SNTB1: variants seen among roughly 807,000 people sequenced by gnomAD.
The protein encoded by SNTB1 is beta-1-syntrophin.
In SNTB1, 36 loss-of-function variants were observed where a neutral mutation model predicts 48.9. That is an observed-to-expected ratio of 0.74 (90% CI 0.56 to 0.97). The LOEUF (loss-of-function observed/expected upper bound fraction) is 0.97. Among genes scored for constraint, SNTB1 ranks in the 50% least tolerant of loss-of-function variants. The pLI is 0.00. For missense variants in SNTB1, 786 were observed against 703.4 expected (o/e 1.12, Z -1.33); for synonymous variants, 299 against 294.6 (o/e 1.01, Z -0.15).
intron 1 of SNTB1, among the ~76,000 whole-genome samples, chr8:120,773,451 C>T (rs548752162): frequency 2.0e-5 from 3 of 152,220 alleles, no homozygotes; most frequent in Non-Finnish European, 4.4e-5. Flanking sequence ...TGTGGCTGAC[C>T]ACAGTCCAGA....
intron 1 of SNTB1, among the ~76,000 whole-genome samples, chr8:120,727,056 C>G (rs574126085): frequency 6.6e-6 from 1 of 152,232 alleles, no homozygotes; most frequent in South Asian, 2.1e-4. Context: ...AGGATGTTCT[C>G]CAGGATAGGT....
rs918706232 is a variant in SNTB1, at chr8:120,811,946, G to T, written c.-103C>A. 3.1e-6 allele frequency: 4 copies of T among 1,273,612 alleles called. No individual in the cohort carries two copies. Among genetic ancestry groups the T allele is most frequent in the African/African-American group, 1.6e-5 (1 of 63,986 alleles). The allele number at this position is 1,273,612 out of a possible 1,614,324, so 78.9% of individuals were successfully genotyped here. ...GGGCCCGGGGGAGCGAGGAGAGTGC[G>T]TCCCGCGGGGAGGTGGCGGCACGCG... On this transcript the variant is annotated 5_prime_UTR_variant, in exon 1 of 7. Transcript: ENST00000517992.
chr8:120,718,490 G>A (rs1326221607), intron 1 of SNTB1, among the ~76,000 whole-genome samples: 1 of 152,190 alleles, frequency 6.6e-6, no homozygotes, highest in African/African-American at 2.4e-5. Context: ...CAAAGAAGGT[G>A]GCCAAATATA....
chr8:120,723,823 A>G (rs1237967931), intron 1 of SNTB1, among the ~76,000 whole-genome samples: 2 of 152,234 alleles, frequency 1.3e-5, no homozygotes, highest in Admixed American at 6.5e-5. Flanking sequence ...TACCTAGCAC[A>G]TATTAAATGT....
intron 1 of SNTB1, among the ~76,000 whole-genome samples, chr8:120,713,269 C>A (rs1818495992): frequency 6.6e-6 from 1 of 152,146 alleles, no homozygotes; most frequent in South Asian, 2.1e-4. Flanking sequence ...AGTACTCAGA[C>A]CTTACATGCA....
intron 1 of SNTB1, among the ~76,000 whole-genome samples, chr8:120,785,285 G>T (rs1024842409): frequency 1.3e-5 from 2 of 152,188 alleles, no homozygotes; most frequent in African/African-American, 2.4e-5. Context: ...ACCAGGAGGG[G>T]TATGGCCTGG....
At chr8:120,716,136 T>C (rs1250112014) in intron 1 of SNTB1, among the ~76,000 whole-genome samples, 1 of 151,562 alleles carries the variant, frequency 6.6e-6, no homozygotes, top group Admixed American at 6.6e-5. Context: ...GCTGAGCCCA[T>C]AGTTGGTAGT....
chr8:120,580,120 T>C (rs1248945160), intron 3 of SNTB1, among the ~76,000 whole-genome samples: 2 of 152,244 alleles, frequency 1.3e-5, no homozygotes, highest in Non-Finnish European at 2.9e-5. Flanking sequence ...CTGCTTCAGC[T>C]ACTGGGATTC....
chr8:120,582,317 T>C lies in SNTB1; in HGVS notation c.997-7092A>G, dbSNP rs976894280. ...AGAAGAAATGGGCAATTAATGCCAA[T>C]ATTAGAAAAGAAGAAAGGATTCAAG... is the stretch of plus-strand genomic sequence containing the variant. On this transcript the variant is annotated intron_variant, in intron 3 of 6. Coordinates refer to ENST00000517992, the MANE Select transcript of SNTB1 (RefSeq NM_021021.4). Among the ~76,000 whole-genome samples, 50 of 152,162 alleles carry C rather than the reference T, an allele frequency of 3.3e-4. 1 individual carries two copies. Among genetic ancestry groups the C allele is most frequent in the Non-Finnish European group, 1.0e-4 (7 of 68,018 alleles).
At chr8:120,597,984 C>T (rs1816352411) in intron 3 of SNTB1, among the ~76,000 whole-genome samples, 1 of 152,218 alleles carries the variant, frequency 6.6e-6, no homozygotes, top group South Asian at 2.1e-4. Context: ...GGTAGATTTT[C>T]CAACTACAAA....
At chr8:120,784,236 C>T (rs539549298) in intron 1 of SNTB1, among the ~76,000 whole-genome samples, 9 of 152,092 alleles carry the variant, frequency 5.9e-5, no homozygotes, top group East Asian at 3.9e-4. Flanking sequence ...TCAAATGATC[C>T]GCCTGCCTCG....
At chr8:120,561,795 A>G (rs183769798) in intron 4 of SNTB1, among the ~76,000 whole-genome samples, 17 of 152,320 alleles carry the variant, frequency 1.1e-4, no homozygotes, top group African/African-American at 3.6e-4. Context: ...TCTATTTCAT[A>G]CCGCCTCCAG....
chr8:120,773,481 C>T (rs1487613732), intron 1 of SNTB1, among the ~76,000 whole-genome samples: 1 of 152,180 alleles, frequency 6.6e-6, no homozygotes, highest in Non-Finnish European at 1.5e-5. Flanking sequence ...TCAGATGAAA[C>T]GTACCAGGCC....
intron 2 of SNTB1, among the ~76,000 whole-genome samples, chr8:120,663,032 G>A (rs1299415084): frequency 7.7e-6 from 1 of 130,152 alleles, no homozygotes; most frequent in Non-Finnish European, 1.6e-5. Context: ...GGTGGGGGGG[G>A]TATTTGGGTG....
At chr8:120,675,662 A>C (rs1817822054) in intron 2 of SNTB1, among the ~76,000 whole-genome samples, 1 of 152,232 alleles carries the variant, frequency 6.6e-6, no homozygotes, top group Non-Finnish European at 1.5e-5. Flanking sequence ...AATTGTGGGA[A>C]GGCCTGGAAA....
chr8:120,545,953 C>A (rs561238827), intron 5 of SNTB1, among the ~76,000 whole-genome samples: 1 of 152,254 alleles, frequency 6.6e-6, no homozygotes, highest in South Asian at 2.1e-4. Flanking sequence ...GGTCTTATTA[C>A]TTTCTCCTTT....
intron 3 of SNTB1, among the ~76,000 whole-genome samples, chr8:120,602,335 C>T (rs934932294): frequency 1.3e-5 from 2 of 152,160 alleles, no homozygotes; most frequent in Non-Finnish European, 2.9e-5. Context: ...ACTGTTTGGT[C>T]AAATATCAGT....
At chr8:120,671,797 A>C (rs1260400513) in intron 2 of SNTB1, among the ~76,000 whole-genome samples, 1 of 152,256 alleles carries the variant, frequency 6.6e-6, no homozygotes, top group African/African-American at 2.4e-5. Context: ...TTAACATAAA[A>C]AGCTGGCAAC....
At chr8:120,774,318 C>T (rs1587151625) in intron 1 of SNTB1, among the ~76,000 whole-genome samples, 1 of 152,228 alleles carries the variant, frequency 6.6e-6, no homozygotes, top group Non-Finnish European at 1.5e-5. Flanking sequence ...AGTGTGGCTG[C>T]AGCAGGGCTA....
Sources: allele counts gnomAD v4.1 joint callset (sites outside exome capture counted in the v4.1 genomes callset), GRCh38; gene constraint gnomAD v4.1.1; transcripts MANE v1.5; gene names NCBI Gene and HGNC (gene_info 2026-07-23, HGNC 2026-07-21).